Variants in ACOXL observed in about 807,000 individuals in gnomAD.
ACOXL encodes acyl-CoA oxidase like, also known as acyl-coenzyme A oxidase-like protein.
Under a neutral mutation model 71.9 loss-of-function variants are expected in ACOXL, and 70 were observed. That is an observed-to-expected ratio of 0.97 (90% confidence interval 0.80 to 1.19). The LOEUF (loss-of-function observed/expected upper bound fraction) is 1.19. Ranked by LOEUF, ACOXL falls within the 50% of genes most tolerant of loss-of-function variation. The pLI is 0.00. For missense variants in ACOXL, 703 were observed against 736.3 expected (o/e 0.95, Z 0.52); for synonymous variants, 253 against 281.6 (o/e 0.90, Z 1.02).
chr2:110,991,086 A>G (rs1358163145), intron 13 of ACOXL, among the ~76,000 whole-genome samples: 2 of 152,296 alleles, frequency 1.3e-5, no homozygotes, highest in South Asian at 4.1e-4. Context: ...CGAGTAAACT[A>G]TTTAATTAGC....
At chr2:110,851,257 A>C (rs1359134441) in intron 10 of ACOXL, among the ~76,000 whole-genome samples, 1 of 152,198 alleles carries the variant, frequency 6.6e-6, no homozygotes, top group Non-Finnish European at 1.5e-5. Flanking sequence ...TATTGTAATT[A>C]AATTATGCTC....
chr2:111,010,831 T>G (rs1239293319), intron 14 of ACOXL, among the ~76,000 whole-genome samples: 1 of 152,192 alleles, frequency 6.6e-6, no homozygotes, highest in Non-Finnish European at 1.5e-5. Flanking sequence ...TACCTTGAGC[T>G]CTGAATCCAG....
chr2:110,844,850 G>A (rs746268547), intron 10 of ACOXL, among the ~76,000 whole-genome samples: 1 of 152,024 alleles, frequency 6.6e-6, no homozygotes, highest in Admixed American at 6.5e-5. Context: ...CCCGGCCACC[G>A]TGACTCTTCT....
chr2:110,879,122 GA>G (rs1346808950), intron 10 of ACOXL, among the ~76,000 whole-genome samples: 2 of 151,726 alleles, frequency 1.3e-5, no homozygotes, highest in East Asian at 3.8e-4. Flanking sequence ...ATAAGAGGAG[GA>G]ACCACTAAAA....
intron 1 of ACOXL, among the ~76,000 whole-genome samples, chr2:110,745,889 G>C (rs1678135403): frequency 6.6e-6 from 1 of 152,184 alleles, no homozygotes; most frequent in African/African-American, 2.4e-5. Flanking sequence ...CTGCACCATA[G>C]TCAGGGAAAG....
rs766615781 is a variant in ACOXL, at chr2:111,117,881, A to T, written c.*65A>T. 2 of 1,498,172 alleles carry T rather than the reference A, an allele frequency of 1.3e-6. No individual in the cohort carries two copies. The allele number at this position is 1,498,172 out of a possible 1,614,324, so 92.8% of individuals were successfully genotyped here. A position where few individuals can be genotyped will look rare whatever the true frequency, so the allele number is the denominator to read the frequency against. On this transcript the variant is annotated 3_prime_UTR_variant, in exon 18 of 18. Coordinates refer to ENST00000439055, the MANE Select transcript of ACOXL (RefSeq NM_001142807.4). ...CACGACGCTCGCTCCACCGACGCCC[A>T]GAGCTGTGGCCGAGGCCGGGGGCTG...
intron 15 of ACOXL, among the ~76,000 whole-genome samples, chr2:111,034,182 CATG>C (rs1195543100): frequency 1.4e-4 from 22 of 152,340 alleles, no homozygotes; most frequent in African/African-American, 4.8e-4. Flanking sequence ...ATGTAGAGAG[CATG>C]ATATTTACCT....
chr2:110,852,374 A>G (rs1228933557), intron 10 of ACOXL, among the ~76,000 whole-genome samples: 1 of 147,348 alleles, frequency 6.8e-6, no homozygotes, highest in African/African-American at 2.5e-5. Flanking sequence ...CCTGGCTCAT[A>G]TTCTGTGGCC....
intron 12 of ACOXL, among the ~76,000 whole-genome samples, chr2:110,986,296 G>C (rs2062929368): frequency 6.6e-6 from 1 of 152,196 alleles, no homozygotes; most frequent in South Asian, 2.1e-4. Flanking sequence ...TTCTTAAATT[G>C]ATAGTTGAAA....
chr2:110,742,451 A>G (rs887507280), intron 1 of ACOXL, among the ~76,000 whole-genome samples: 1 of 149,400 alleles, frequency 6.7e-6, no homozygotes, highest in African/African-American at 2.4e-5. Context: ...TTGGGGTGAT[A>G]TATTGTTATA....
At chr2:111,076,282 G>A (rs2067596915) in intron 16 of ACOXL, among the ~76,000 whole-genome samples, 1 of 152,020 alleles carries the variant, frequency 6.6e-6, no homozygotes, top group Non-Finnish European at 1.5e-5. Flanking sequence ...AGCATTGTGT[G>A]TGCATTCACA....
At chr2:110,856,111 GCT>G (rs1559350464) in intron 10 of ACOXL, among the ~76,000 whole-genome samples, 4 of 152,030 alleles carry the variant, frequency 2.6e-5, no homozygotes, top group African/African-American at 9.7e-5. Flanking sequence ...CAATCCTCTT[GCT>G]AGCTACAGAG....
chr2:111,001,205 A>G (rs2063610808), intron 14 of ACOXL, among the ~76,000 whole-genome samples: 1 of 152,180 alleles, frequency 6.6e-6, no homozygotes, highest in African/African-American at 2.4e-5. Flanking sequence ...GCTTATGTCA[A>G]AGAGATTTGT....
chr2:110,942,554 T>C (rs1407154199), intron 12 of ACOXL, among the ~76,000 whole-genome samples: 1 of 152,080 alleles, frequency 6.6e-6, no homozygotes, highest in Non-Finnish European at 1.5e-5. Flanking sequence ...CATAATCCTA[T>C]GAGGTGGCTA....
chr2:110,743,629 C>G (rs1054811556), intron 1 of ACOXL, among the ~76,000 whole-genome samples: 1 of 152,116 alleles, frequency 6.6e-6, no homozygotes, highest in Non-Finnish European at 1.5e-5. Flanking sequence ...CTCGATTGAC[C>G]AGGACTGAGG....
intron 2 of ACOXL, among the ~76,000 whole-genome samples, chr2:110,779,379 GT>G (rs1420819259): frequency 1.4e-4 from 22 of 152,332 alleles, no homozygotes; most frequent in Middle Eastern, 3.4e-3. Context: ...GTCATTGGAG[GT>G]GTTCACTATG....
At chr2:110,986,649 A>G (rs2062946983) in intron 12 of ACOXL, among the ~76,000 whole-genome samples, 1 of 152,228 alleles carries the variant, frequency 6.6e-6, no homozygotes, top group South Asian at 2.1e-4. Flanking sequence ...TATAACTTTA[A>G]AGCTGCTGAA....
Position 110,806,820 on chromosome 2 carries a change from G to A in ACOXL, c.753+1425G>A, listed in dbSNP as rs367884262. 3.3e-5 allele frequency among the ~76,000 whole-genome samples: 5 copies of A among 152,278 alleles called. No individual in the cohort carries two copies. The East Asian group carries it at 7.7e-4, about 24-fold the overall frequency. ...GATGGGGTGATGATGTGTGAAGGAC[G>A]TCCATGCCGCCAGCAGCCCTGCAGG... On this transcript the variant is annotated intron_variant, in intron 9 of 17. Transcript: ENST00000439055.
chr2:111,042,165 C>A (rs2065816865), intron 15 of ACOXL, among the ~76,000 whole-genome samples: 1 of 152,260 alleles, frequency 6.6e-6, no homozygotes, highest in Non-Finnish European at 1.5e-5. Flanking sequence ...ACGTTCCCAT[C>A]CCTGGGACTG....
Sources: gnomAD v4.1 joint callset for allele counts (sites outside exome capture counted in the v4.1 genomes callset) on GRCh38, gnomAD v4.1.1 for gene constraint, MANE v1.5 for transcripts, NCBI Gene and HGNC (gene_info 2026-07-23, HGNC 2026-07-21) for gene names.